The following GRIN3A variants were observed in gnomAD, a reference collection of about 807,000 sequenced individuals.
The protein encoded by GRIN3A is glutamate receptor ionotropic, NMDA 3A.
GRIN3A carries 47 observed loss-of-function variants against 92.4 expected under a neutral mutation model. The ratio of observed to expected loss-of-function variants is 0.51; its 90% CI spans 0.40 to 0.65. GRIN3A has a LOEUF of 0.65. Ranked by LOEUF, GRIN3A falls within the 30% of genes least tolerant of loss-of-function variation. GRIN3A has a pLI of 0.00. For missense variants in GRIN3A, 1,324 were observed against 1,393.1 expected (o/e 0.95, Z 0.79); for synonymous variants, 527 against 540.6 (o/e 0.97, Z 0.35).
chr9:101,655,925 A>G (rs1363118383), intron 3 of GRIN3A, among the ~76,000 whole-genome samples: 2 of 152,008 alleles, frequency 1.3e-5, no homozygotes, highest in African/African-American at 4.8e-5. Context: ...ACAGCATTCA[A>G]TTGCAGATGA....
At chr9:101,682,965 G>A (rs952779960) in intron 2 of GRIN3A, among the ~76,000 whole-genome samples, 6 of 152,226 alleles carry the variant, frequency 3.9e-5, no homozygotes, top group Non-Finnish European at 8.8e-5. Flanking sequence ...CTGGGCGACA[G>A]AGAAAGACTC....
chr9:101,604,261 A>C (rs1828248238), intron 6 of GRIN3A, among the ~76,000 whole-genome samples: 2 of 152,212 alleles, frequency 1.3e-5, no homozygotes, highest in South Asian at 4.1e-4. Flanking sequence ...AAAGAAAGAC[A>C]GGAAGAAAGG....
intron 6 of GRIN3A, 21 bp from the exon 7 acceptor site, chr9:101,579,381 A>G (rs1827863041): frequency 6.2e-7 from 1 of 1,613,068 alleles, no homozygotes; most frequent in Non-Finnish European, 8.5e-7. Context: ...ATAGGAAAGA[A>G]AAGGCCATGA....
chr9:101,686,128 A>G (rs1829530236), intron 2 of GRIN3A, among the ~76,000 whole-genome samples: 1 of 152,182 alleles, frequency 6.6e-6, no homozygotes, highest in Non-Finnish European at 1.5e-5. Context: ...AGATTTAGAG[A>G]AACTTGATTA....
intron 3 of GRIN3A, among the ~76,000 whole-genome samples, chr9:101,645,101 A>G (rs1317690020): frequency 6.6e-6 from 1 of 151,772 alleles, no homozygotes; most frequent in African/African-American, 2.4e-5. Context: ...ACTGTAACTT[A>G]TTTCTTCTAA....
At chr9:101,719,519 T>C (rs1379466638) in intron 1 of GRIN3A, among the ~76,000 whole-genome samples, 1 of 152,084 alleles carries the variant, frequency 6.6e-6, no homozygotes, top group Non-Finnish European at 1.5e-5. Flanking sequence ...TGAAATACTG[T>C]AGGCAGAGAT....
chr9:101,595,052 G>C (rs1211464921), intron 6 of GRIN3A: 15 of 1,006,702 alleles, frequency 1.5e-5, no homozygotes, highest in Middle Eastern at 3.2e-4. Flanking sequence ...GGCCCTGGTC[G>C]AGCAAAAGGG....
chr9:101,662,944 C>T (rs1829189935), intron 3 of GRIN3A, among the ~76,000 whole-genome samples: 1 of 151,792 alleles, frequency 6.6e-6, no homozygotes, highest in South Asian at 2.1e-4. Context: ...GCTCTCCCTA[C>T]AGTATGACAT....
At chr9:101,587,021 C>T (rs575897348) in intron 6 of GRIN3A, among the ~76,000 whole-genome samples, 8 of 152,212 alleles carry the variant, frequency 5.3e-5, no homozygotes, top group African/African-American at 1.7e-4. Flanking sequence ...GTTTAAAAAT[C>T]TGTTGCAGCC....
chr9:101,716,216 A>T (rs1829945959), intron 1 of GRIN3A, among the ~76,000 whole-genome samples: 1 of 152,124 alleles, frequency 6.6e-6, no homozygotes, highest in African/African-American at 2.4e-5. Flanking sequence ...GTTTTTTTTT[A>T]AACACACACA....
At chr9:101,641,371 G>A (rs1302631033) in intron 3 of GRIN3A, among the ~76,000 whole-genome samples, 2 of 152,134 alleles carry the variant, frequency 1.3e-5, no homozygotes, top group African/African-American at 2.4e-5. Flanking sequence ...CAATAGCAAA[G>A]ACTTGGAACC....
At chr9:101,642,739 C>A (rs1174966112) in intron 3 of GRIN3A, among the ~76,000 whole-genome samples, 1 of 152,116 alleles carries the variant, frequency 6.6e-6, no homozygotes, top group Non-Finnish European at 1.5e-5. Flanking sequence ...GCTGTCAGAT[C>A]AGCAGCAGCA....
chr9:101,652,680 T>C (rs72745366), intron 3 of GRIN3A, among the ~76,000 whole-genome samples: 1 of 152,004 alleles, frequency 6.6e-6, no homozygotes, highest in Non-Finnish European at 1.5e-5. Context: ...TAGGGACACC[T>C]TGGACTGGTG....
intron 6 of GRIN3A, chr9:101,602,996 G>C (rs1828231987): frequency 6.6e-6 from 1 of 152,194 alleles, no homozygotes; most frequent in South Asian, 2.1e-4. Flanking sequence ...CTAATGGTTT[G>C]TATAAAGCAT....
At chr9:101,730,102 C>T (rs1057184200) in intron 1 of GRIN3A, among the ~76,000 whole-genome samples, 12 of 152,072 alleles carry the variant, frequency 7.9e-5, no homozygotes, top group African/African-American at 2.9e-4. Context: ...AAAACTCCAA[C>T]CACCCTGAAC....
Position 101,670,747 on chromosome 9 carries a change from G to A in GRIN3A, c.1665C>T (p.Asp555=). 1 of 1,614,050 alleles carries A rather than the reference G, an allele frequency of 6.2e-7. No homozygotes were observed. The highest frequency in any genetic ancestry group is 8.5e-7 in the Non-Finnish European group (1 of 1,179,944). The part of the protein sequence containing the change: ...DPMTNDSSTL[D]SLFSSLHSSN... Reference sequence around the variant, plus strand: ...TGCTATGGAGGCTGCTAAAAAGGCTGTCCAATGTGGAAGAGTCATTAGTCA... The same window carrying A: ...TGCTATGGAGGCTGCTAAAAAGGCTATCCAATGTGGAAGAGTCATTAGTCA... The change falls in exon 3 of 9, where the codon GAC becomes GAT. Residue 555 remains aspartate, a synonymous_variant. Transcript: ENST00000361820.
intron 4 of GRIN3A, 109 bp from the exon 5 acceptor site, chr9:101,623,542 C>T: frequency 2.6e-6 from 2 of 764,768 alleles, no homozygotes; most frequent in Non-Finnish European, 2.3e-6. Flanking sequence ...ACACTAAGGG[C>T]CGCACAAGCT....
intron 1 of GRIN3A, among the ~76,000 whole-genome samples, chr9:101,706,943 A>G (rs531943426): frequency 6.6e-6 from 1 of 152,198 alleles, no homozygotes; most frequent in African/African-American, 2.4e-5. Flanking sequence ...TCACTTTCAA[A>G]TGAAACTCAC....
Position 101,594,912 on chromosome 9 carries a change from C to T in GRIN3A, c.2767-15552G>A, listed in dbSNP as rs1306296472. On this transcript the variant is annotated intron_variant, in intron 6 of 8. Coordinates refer to ENST00000361820, the MANE Select transcript of GRIN3A (RefSeq NM_133445.3). ...CACATCTCCGCCGGGTAACTGGCCT[C>T]GTTTCCCATTGTGGACATCTGGCAA... The T allele has an allele frequency of 6.9e-6, 11 of 1,598,770 alleles. No homozygotes were observed. The East Asian group carries it at 2.2e-4, about 32-fold the overall frequency.
Sources: allele counts gnomAD v4.1 joint callset (sites outside exome capture counted in the v4.1 genomes callset), GRCh38; gene constraint gnomAD v4.1.1; transcripts MANE v1.5; gene names NCBI Gene and HGNC (gene_info 2026-07-23, HGNC 2026-07-21).